The following ATP11A variants were observed in gnomAD, a reference collection of about 807,000 sequenced individuals.
ATP11A encodes ATPase phospholipid transporting 11A, also known as phospholipid-transporting ATPase IH.
A neutral mutation model predicts 154.4 loss-of-function variants in ATP11A; 81 were observed. The ratio of observed to expected loss-of-function variants is 0.52; its 90% confidence interval spans 0.44 to 0.63. The LOEUF is 0.63. Among genes scored for constraint, ATP11A ranks in the 30% least tolerant of loss-of-function variants. The pLI is 0.00. For synonymous variants in ATP11A, 623 were observed against 585.9 expected (o/e 1.06, Z -0.91); for missense variants, 1,316 against 1,474.3 (o/e 0.89, Z 1.76).
chr13:112,719,338 T>C (rs1407836665), intron 1 of ATP11A, among the ~76,000 whole-genome samples: 1 of 152,256 alleles, frequency 6.6e-6, no homozygotes, highest in African/African-American at 2.4e-5. Flanking sequence ...GCCTTTGTTA[T>C]ATTCTCACGT....
In ATP11A at chr13:112,883,618, G is replaced by A. The variant is rs2080930642; in HGVS notation, c.*1752G>A. ...AGCGGTAAGAACAGTGAACACAGTG[G>A]TTGGGATAAAATAAGGTGACAAACA... On this transcript the variant is annotated 3_prime_UTR_variant, in exon 30 of 30. Transcript: ENST00000375645. 6.4e-6 allele frequency: 1 copy of A among 155,904 alleles called. No homozygotes were observed. The highest frequency in any genetic ancestry group is 2.4e-5 in the African/African-American group (1 of 41,622). The allele number at this position is 155,904 out of a possible 1,614,324, so 9.7% of individuals were successfully genotyped here. A position where few individuals can be genotyped will look rare whatever the true frequency, so the allele number is the denominator to read the frequency against.
In ATP11A at chr13:112,854,274, C is replaced by G. The variant is rs1416745497; in HGVS notation, c.1992-5C>G. 1.2e-6 allele frequency: 2 copies of G among 1,613,722 alleles called. No individual in the cohort carries two copies. The highest frequency in any genetic ancestry group is 2.7e-5 in the African/African-American group (2 of 74,926). On this transcript the variant is annotated splice_polypyrimidine_tract_variant and splice_region_variant and intron_variant, in intron 18 of 29. Coordinates refer to ENST00000375645, the MANE Select transcript of ATP11A (RefSeq NM_015205.3). ...CTATGCTGTGTTTGGTTTTGCCTCCCTCAGGCTGCAGGAGAAAGCTGCAGA... is the reference window on the plus strand; with the variant it reads ...CTATGCTGTGTTTGGTTTTGCCTCCGTCAGGCTGCAGGAGAAAGCTGCAGA...
chr13:112,820,949 T>G (rs1380970253), intron 8 of ATP11A, among the ~76,000 whole-genome samples: 1 of 152,216 alleles, frequency 6.6e-6, no homozygotes, highest in Non-Finnish European at 1.5e-5. Flanking sequence ...AGCTACTGTT[T>G]TAAGAAAACC....
At chr13:112,761,184 A>G (rs1327195916) in intron 1 of ATP11A, among the ~76,000 whole-genome samples, 1 of 151,848 alleles carries the variant, frequency 6.6e-6, no homozygotes, top group East Asian at 1.9e-4. Context: ...TGTTCAAGGA[A>G]CCCTCATTTG....
chr13:112,792,301 T>G lies in ATP11A; in HGVS notation c.162+7044T>G, dbSNP rs912419526. Among the ~76,000 whole-genome samples the G allele has an allele frequency of 7.2e-4, 110 of 152,164 alleles. 1 individual carries two copies. Among genetic ancestry groups the G allele is most frequent in the Admixed American group, 4.6e-4 (7 of 15,280 alleles). Reference sequence around the variant, plus strand: ...CCTGGAATTGATGACTCATAATTGTTTTCATTTAACAGCTCAGGATGTGTG... The same window carrying G: ...CCTGGAATTGATGACTCATAATTGTGTTCATTTAACAGCTCAGGATGTGTG... On this transcript the variant is annotated intron_variant, in intron 2 of 29. Coordinates refer to ENST00000375645, the MANE Select transcript of ATP11A (RefSeq NM_015205.3).
In ATP11A at chr13:112,870,669, A is replaced by G. The variant is rs533683598; in HGVS notation, c.2992-1066A>G. Reference sequence around the variant, plus strand: ...TGGGATTACAGGCATGAGCCACCACACCCGGCCCGCTTTTTAATTCTTTAT... The same window carrying G: ...TGGGATTACAGGCATGAGCCACCACGCCCGGCCCGCTTTTTAATTCTTTAT... On this transcript the variant is annotated intron_variant, in intron 25 of 29. Transcript: ENST00000375645. Among the ~76,000 whole-genome samples the G allele has an allele frequency of 5.3e-5, 8 of 152,124 alleles. No individual in the cohort carries two copies. The East Asian group carries it at 9.7e-4, about 18-fold the overall frequency.
At chr13:112,712,631 G>T (rs373292152) in intron 1 of ATP11A, among the ~76,000 whole-genome samples, 1 of 152,212 alleles carries the variant, frequency 6.6e-6, no homozygotes, top group Admixed American at 6.5e-5. Flanking sequence ...GACTCCCTGC[G>T]CAGAGCCCCT....
rs1344651441 is a variant in ATP11A at position 112,807,055 on chromosome 13, G to A, written c.333+762G>A. ...TCCTCTGTGGATGGACATTTGGGGT[G>A]TTTCCACTCTTTGGCTGTTCTGAAT... On this transcript the variant is annotated intron_variant, in intron 4 of 29. Transcript: ENST00000375645. This position sits in a 1 kb window ranked among gnomAD's most constrained non-coding sequence, Gnocchi z 4.5. Among the ~76,000 whole-genome samples the A allele has an allele frequency of 6.6e-6, 1 of 152,228 alleles. No homozygotes were observed. The highest frequency in any genetic ancestry group is 1.5e-5 in the Non-Finnish European group (1 of 68,040).
chr13:112,809,600 G>A (rs7318561), intron 4 of ATP11A, among the ~76,000 whole-genome samples: 9,752 of 152,242 alleles, frequency 0.064, 502 homozygotes, highest in African/African-American at 0.13. Flanking sequence ...CTGCCATCCT[G>A]CGTGGTTGTG....
intron 16 of ATP11A, among the ~76,000 whole-genome samples, chr13:112,837,347 C>T (rs1233650237): frequency 6.6e-6 from 1 of 152,250 alleles, no homozygotes; most frequent in Admixed American, 6.5e-5. Context: ...CCACGGACGG[C>T]TCAGGAAGCC....
chr13:112,813,057 G>C (rs142350064), intron 5 of ATP11A, among the ~76,000 whole-genome samples: 4 of 152,122 alleles, frequency 2.6e-5, no homozygotes, highest in Non-Finnish European at 5.9e-5. Flanking sequence ...CCTGTGTGTC[G>C]TAACCAAGAG....
intron 1 of ATP11A, among the ~76,000 whole-genome samples, chr13:112,713,223 C>A (rs1323861532): frequency 6.6e-6 from 1 of 152,098 alleles, no homozygotes; most frequent in South Asian, 2.1e-4. Context: ...GGTGAAACCC[C>A]GTCTCTACTA....
intron 1 of ATP11A, among the ~76,000 whole-genome samples, chr13:112,691,792 T>TC (rs1183751615): frequency 6.6e-6 from 1 of 152,000 alleles, no homozygotes; most frequent in Non-Finnish European, 1.5e-5. Flanking sequence ...ATCAATGCTT[T>TC]CCCCCGGATT....
In ATP11A at chr13:112,715,764, C is replaced by T. The variant is rs78308977; in HGVS notation, c.39+25309C>T. On this transcript the variant is annotated intron_variant, in intron 1 of 29. Transcript: ENST00000375645. ...GTTGTGCTATTTTGCAGGACGAATT[C>T]GCACCTGTTTCTGTGTTGCTCTGTG... 6.8e-3 allele frequency among the ~76,000 whole-genome samples: 1,037 copies of T among 151,894 alleles called. 11 individuals are homozygous for T. The highest frequency in any genetic ancestry group is 0.04 in the East Asian group (204 of 5,060).
intron 6 of ATP11A, among the ~76,000 whole-genome samples, chr13:112,817,978 A>G (rs1029009714): frequency 6.6e-6 from 1 of 152,206 alleles, no homozygotes; most frequent in African/African-American, 2.4e-5. Context: ...ACATTTGTGA[A>G]ATGGGGACAA....
At chr13:112,699,616 A>G (rs1158097834) in intron 1 of ATP11A, among the ~76,000 whole-genome samples, 1 of 152,222 alleles carries the variant, frequency 6.6e-6, no homozygotes, top group Non-Finnish European at 1.5e-5. Context: ...GCGGGCAAGA[A>G]GGGTTTTAAC....
At chr13:112,756,913 C>G (rs1434338941) in intron 1 of ATP11A, among the ~76,000 whole-genome samples, 20 of 152,216 alleles carry the variant, frequency 1.3e-4, no homozygotes. Context: ...GCGGGGCCTG[C>G]TCCTAACGCA....
chr13:112,745,380 A>ATG (rs1430671523), intron 1 of ATP11A: 6 of 152,272 alleles, frequency 3.9e-5, no homozygotes, highest in African/African-American at 7.2e-5. Flanking sequence ...CAGAATTAGA[A>ATG]TGTAGCTATT....
chr13:112,801,453 T>G (rs1367074278), intron 2 of ATP11A, among the ~76,000 whole-genome samples: 3 of 151,932 alleles, frequency 2.0e-5, no homozygotes, highest in Admixed American at 2.0e-4. Context: ...ACAGTAAGAG[T>G]AGAAATGGGA....
Sources: gnomAD v4.1 joint callset for allele counts (sites outside exome capture counted in the v4.1 genomes callset) on GRCh38, gnomAD v4.1.1 for gene constraint, Gnocchi (gnomAD v3.1) non-coding constraint, MANE v1.5 for transcripts, NCBI Gene and HGNC (gene_info 2026-07-23, HGNC 2026-07-21) for gene names.